ADGRL3: variants seen among roughly 807,000 people sequenced by gnomAD.
The protein encoded by ADGRL3 is calcium-independent alpha-latrotoxin receptor 3.
Under a neutral mutation model 153.5 loss-of-function variants are expected in ADGRL3, and 62 were observed. The ratio of observed to expected loss-of-function variants is 0.40; its 90% CI spans 0.33 to 0.50. The LOEUF is 0.50. Among genes scored for constraint, ADGRL3 ranks in the 20% least tolerant of loss-of-function variants. ADGRL3 has a pLI of 0.47. For missense variants in ADGRL3, 1,641 were observed against 1,859.4 expected, an observed-to-expected ratio of 0.88 and a Z score of 2.16; for synonymous variants, 710 against 672.5, an observed-to-expected ratio of 1.06 and a Z score of -0.86.
chr4:61,891,126 A>G (rs952245793), intron 9 of ADGRL3, among the ~76,000 whole-genome samples: 4 of 152,182 alleles, frequency 2.6e-5, no homozygotes, highest in East Asian at 1.9e-4. Flanking sequence ...TGAAATGACT[A>G]TATTGCCATT....
chr4:61,929,313 C>T (rs566791843), intron 13 of ADGRL3, among the ~76,000 whole-genome samples: 1 of 152,024 alleles, frequency 6.6e-6, no homozygotes, highest in South Asian at 2.1e-4. Context: ...TTGAGCTTCT[C>T]AGCTTCCAGA....
chr4:61,302,744 C>A (rs531575871), intron 1 of ADGRL3, among the ~76,000 whole-genome samples: 3 of 151,918 alleles, frequency 2.0e-5, no homozygotes, highest in Non-Finnish European at 4.4e-5. Flanking sequence ...AAACCAAGTA[C>A]CCGAGTTAGA....
chr4:61,755,655 T>C (rs1427745634), intron 8 of ADGRL3, among the ~76,000 whole-genome samples: 2 of 152,210 alleles, frequency 1.3e-5, no homozygotes, highest in East Asian at 3.8e-4. Context: ...TGGCTTTGGT[T>C]GCCATTGCTT....
chr4:61,911,111 C>T (rs1389713838), intron 12 of ADGRL3, among the ~76,000 whole-genome samples: 1 of 152,150 alleles, frequency 6.6e-6, no homozygotes, highest in African/African-American at 2.4e-5. Context: ...GTTGCCCAGA[C>T]TGGCTGGATG....
At chr4:62,026,575 C>T (rs191238916) in intron 21 of ADGRL3, among the ~76,000 whole-genome samples, 29 of 152,114 alleles carry the variant, frequency 1.9e-4, no homozygotes, top group Admixed American at 1.4e-3. Context: ...TATGTCACCT[C>T]ACCATTGCAA....
At chr4:61,773,942 T>C (rs1217915127) in intron 8 of ADGRL3, among the ~76,000 whole-genome samples, 1 of 152,198 alleles carries the variant, frequency 6.6e-6, no homozygotes, top group Admixed American at 6.5e-5. Context: ...TGCGGGAAAC[T>C]AATGGAACAT....
intron 5 of ADGRL3, among the ~76,000 whole-genome samples, chr4:61,639,443 C>T (rs2093570521): frequency 6.6e-6 from 1 of 152,030 alleles, no homozygotes; most frequent in South Asian, 2.1e-4. Context: ...AACATTATTA[C>T]TGCCATGTTC....
chr4:61,527,220 AT>A (rs1560786134), intron 4 of ADGRL3, among the ~76,000 whole-genome samples: 1 of 152,102 alleles, frequency 6.6e-6, no homozygotes, highest in African/African-American at 2.4e-5. Context: ...GAAAGAAAAA[AT>A]ATACCATTCT....
At chr4:61,496,386 A>C (rs1280418385) in intron 2 of ADGRL3, among the ~76,000 whole-genome samples, 4 of 152,098 alleles carry the variant, frequency 2.6e-5, no homozygotes, top group Non-Finnish European at 4.4e-5. Flanking sequence ...ATTTTTAGCC[A>C]GGCGCAGTGG....
At chr4:61,321,583 G>A (rs2095356877) in intron 1 of ADGRL3, among the ~76,000 whole-genome samples, 1 of 150,730 alleles carries the variant, frequency 6.6e-6, no homozygotes. Context: ...AAAGATAGAT[G>A]GTGTAGCCTA....
At chr4:61,929,860 G>T (rs1004140993) in intron 13 of ADGRL3, among the ~76,000 whole-genome samples, 1 of 152,156 alleles carries the variant, frequency 6.6e-6, no homozygotes, top group Non-Finnish European at 1.5e-5. Flanking sequence ...GATAAAACCT[G>T]AATGAGCTAG....
At chr4:61,587,540 T>C in intron 5 of ADGRL3, 100 bp downstream of exon 5, 1 of 878,580 alleles carries the variant, frequency 1.1e-6, no homozygotes, top group Non-Finnish European at 1.7e-6. Context: ...GTGTTATGTA[T>C]TTTAGGACAC....
chr4:61,812,023 T>C (rs1169071304), intron 8 of ADGRL3, among the ~76,000 whole-genome samples: 2 of 152,124 alleles, frequency 1.3e-5, no homozygotes, highest in African/African-American at 4.8e-5. Context: ...ATTTACAAGA[T>C]CTACAAAGTT....
chr4:61,961,224 T>C lies in ADGRL3; in HGVS notation c.2805+12948T>C, dbSNP rs536171686. Among the ~76,000 whole-genome samples the C allele has an allele frequency of 3.3e-5, 5 of 152,180 alleles. No individual in the cohort carries two copies. The East Asian group carries it at 9.7e-4, about 29-fold the overall frequency. On this transcript the variant is annotated intron_variant, in intron 17 of 26. Coordinates refer to ENST00000683033, the MANE Select transcript of ADGRL3 (RefSeq NM_001387552.1). The stretch of plus-strand genomic sequence containing the variant: ...CCAAGAAAAAACACATCCCTTTTGC[T>C]TAAAAAAAGATAGCTGCCACCTTCC...
At chr4:61,671,835 A>T (rs1245313381) in intron 5 of ADGRL3, among the ~76,000 whole-genome samples, 1 of 152,162 alleles carries the variant, frequency 6.6e-6, no homozygotes, top group East Asian at 1.9e-4. Flanking sequence ...CAGCAGTATC[A>T]TGATTTTCAG....
intron 2 of ADGRL3, among the ~76,000 whole-genome samples, chr4:61,385,258 A>G (rs2096722444): frequency 6.6e-6 from 1 of 152,108 alleles, no homozygotes; most frequent in Non-Finnish European, 1.5e-5. Flanking sequence ...ATTTTATTCC[A>G]ACATCCCCCT....
chr4:61,967,913 A>G (rs1483675839), intron 17 of ADGRL3, among the ~76,000 whole-genome samples: 1 of 152,202 alleles, frequency 6.6e-6, no homozygotes, highest in Admixed American at 6.5e-5. Context: ...AGGAAGTCCA[A>G]GAGCACACCA....
intron 5 of ADGRL3, among the ~76,000 whole-genome samples, chr4:61,636,157 T>C (rs1315734702): frequency 6.6e-6 from 1 of 152,130 alleles, no homozygotes; most frequent in Non-Finnish European, 1.5e-5. Flanking sequence ...GAACAAATGA[T>C]ATACTTTTTG....
intron 2 of ADGRL3, among the ~76,000 whole-genome samples, chr4:61,472,844 G>T (rs1462049590): frequency 1.3e-5 from 2 of 151,944 alleles, no homozygotes; most frequent in Non-Finnish European, 2.9e-5. Context: ...TTTTTTTGGG[G>T]GTTGTAGCTT....
Sources: gnomAD v4.1 joint callset for allele counts (sites outside exome capture counted in the v4.1 genomes callset) on GRCh38, gnomAD v4.1.1 for gene constraint, MANE v1.5 for transcripts, NCBI Gene and HGNC (gene_info 2026-07-23, HGNC 2026-07-21) for gene names.